Variants in CSRNP3 observed in about 807,000 individuals in gnomAD.
The protein encoded by CSRNP3 is cysteine and serine rich nuclear protein 3.
In CSRNP3, 12 loss-of-function variants were observed where a neutral mutation model predicts 48.0. The observed-to-expected ratio is 0.25, with a 90% CI of 0.16 to 0.41. The LOEUF (loss-of-function observed/expected upper bound fraction) is 0.41, where lower values mean the gene tolerates loss of function less well. CSRNP3 is among the 10% of genes least tolerant of loss of function. The probability of loss-of-function intolerance (pLI) is 1.00; values close to 1 mark genes in which losing one functional copy is unlikely to be tolerated. For missense variants in CSRNP3, 580 were observed against 724.4 expected (o/e 0.80, Z 2.29); for synonymous variants, 263 against 269.7 (o/e 0.98, Z 0.24).
intron 4 of CSRNP3, among the ~76,000 whole-genome samples, chr2:165,626,655 C>T (rs1277715384): frequency 6.6e-6 from 1 of 152,204 alleles, no homozygotes; most frequent in African/African-American, 2.4e-5. Flanking sequence ...CTGCCTGTTG[C>T]TGCTACCTCG....
intron 3 of CSRNP3, among the ~76,000 whole-genome samples, chr2:165,576,243 G>T (rs2105278422): frequency 6.6e-6 from 1 of 151,604 alleles, no homozygotes; most frequent in Admixed American, 6.6e-5. Context: ...AGCAGCCAAA[G>T]AAAATATTTT....
In CSRNP3 at chr2:165,615,039, A is replaced by G. The variant is rs544259043; in HGVS notation, c.148+19826A>G. ...TGAAAAGAAAGTGTATTCTTCAGCC[A>G]TTGGATTTAATGATCTGTAAATGTC... On this transcript the variant is annotated intron_variant, in intron 4 of 6. Coordinates refer to ENST00000651982, the MANE Select transcript of CSRNP3 (RefSeq NM_001172173.2). Among the ~76,000 whole-genome samples, 10 of 152,328 alleles carry G rather than the reference A, an allele frequency of 6.6e-5. No individual in the cohort carries two copies. In the East Asian group the frequency reaches 1.7e-3, roughly 26 times the overall value.
chr2:165,666,158 AAG>A (rs142924898), intron 5 of CSRNP3, among the ~76,000 whole-genome samples: 10,228 of 111,628 alleles, frequency 0.092, 1,010 homozygotes, highest in East Asian at 0.19. Flanking sequence ...GAGAGGAAGA[AAG>A]AGAGAGAGAG....
intron 1 of CSRNP3, among the ~76,000 whole-genome samples, chr2:165,480,904 T>C (rs1412351710): frequency 6.7e-6 from 1 of 149,450 alleles, no homozygotes; most frequent in Non-Finnish European, 1.5e-5. Flanking sequence ...ATCTCTGCAC[T>C]TTGAGAGGCT....
At chr2:165,649,322 C>A (rs1356376759) in intron 4 of CSRNP3, among the ~76,000 whole-genome samples, 1 of 152,114 alleles carries the variant, frequency 6.6e-6, no homozygotes, top group Non-Finnish European at 1.5e-5. Flanking sequence ...GTGCAAAAGA[C>A]ATTATTAGTC....
intron 3 of CSRNP3, among the ~76,000 whole-genome samples, chr2:165,522,434 C>G (rs1684675404): frequency 6.6e-6 from 1 of 152,008 alleles, no homozygotes; most frequent in Non-Finnish European, 1.5e-5. Context: ...TATACTCGGC[C>G]TTGTATCTAA....
intron 2 of CSRNP3, among the ~76,000 whole-genome samples, chr2:165,508,617 C>T (rs1488297883): frequency 2.0e-5 from 3 of 152,082 alleles, no homozygotes; most frequent in Admixed American, 6.6e-5. Flanking sequence ...TAAACATTTA[C>T]ATATTCTAAG....
At chr2:165,609,465 G>GAAAAAAAAAAAAAAAA (rs34249194) in intron 4 of CSRNP3, among the ~76,000 whole-genome samples, 3 of 97,572 alleles carry the variant, frequency 3.1e-5, no homozygotes, top group Non-Finnish European at 5.6e-5. Context: ...TCTAAAAAAA[G>GAAAAAAAAAAAAAAAA]AAAAAAAAAA....
chr2:165,574,398 C>G, intron 3 of CSRNP3: 11 of 1,549,864 alleles, frequency 7.1e-6, no homozygotes, highest in Non-Finnish European at 9.6e-6. Context: ...GATTTTACAG[C>G]GTGTGTGCCG....
At position 165,643,924 on chromosome 2, in the gene CSRNP3, A is replaced by G. The variant is rs549450781; in HGVS notation, c.149-13837A>G. ...TCACTCCTCTAAGGCACAGATGACA[A>G]TTTAAGTACTAAGAGGCAGAATCAT... is the stretch of plus-strand genomic sequence containing the variant. On this transcript the variant is annotated intron_variant, in intron 4 of 6. Transcript: ENST00000651982. Among the ~76,000 whole-genome samples the G allele has an allele frequency of 1.2e-4, 18 of 152,310 alleles. No individual in the cohort carries two copies. In the South Asian group the frequency reaches 3.7e-3, roughly 32 times the overall value.
chr2:165,518,649 T>C (rs987668373), intron 3 of CSRNP3, among the ~76,000 whole-genome samples: 1 of 152,018 alleles, frequency 6.6e-6, no homozygotes, highest in Non-Finnish European at 1.5e-5. Flanking sequence ...TTGGATACCT[T>C]GAAAAAGTAG....
chr2:165,534,005 G>A (rs1684850188), intron 3 of CSRNP3, among the ~76,000 whole-genome samples: 1 of 151,904 alleles, frequency 6.6e-6, no homozygotes. Context: ...AGGAAACAAT[G>A]AATTCTTCTT....
intron 5 of CSRNP3, among the ~76,000 whole-genome samples, chr2:165,673,247 C>T (rs536726079): frequency 1.8e-4 from 25 of 140,306 alleles, no homozygotes; most frequent in Non-Finnish European, 2.6e-4. Flanking sequence ...AAGTGATTCT[C>T]GTGCCTCAGT....
At chr2:165,599,120 C>T (rs1328191385) in intron 4 of CSRNP3, among the ~76,000 whole-genome samples, 3 of 151,596 alleles carry the variant, frequency 2.0e-5, no homozygotes, top group Non-Finnish European at 4.4e-5. Flanking sequence ...TGCCTGTGGT[C>T]CCAGCTACTT....
chr2:165,484,540 G>A (rs1015826681), intron 1 of CSRNP3, among the ~76,000 whole-genome samples: 1 of 152,164 alleles, frequency 6.6e-6, no homozygotes, highest in Non-Finnish European at 1.5e-5. Flanking sequence ...CCCCCTGTTT[G>A]CTGACAGTTT....
chr2:165,514,845 A>G (rs1167570841), intron 2 of CSRNP3, among the ~76,000 whole-genome samples: 4 of 152,076 alleles, frequency 2.6e-5, no homozygotes, highest in Non-Finnish European at 1.5e-5. Context: ...GCACCACCAC[A>G]CACAGTAACT....
At chr2:165,517,236 A>G (rs116134472) in intron 2 of CSRNP3, among the ~76,000 whole-genome samples, 2,728 of 152,136 alleles carry the variant, frequency 0.018, 78 homozygotes, top group African/African-American at 0.062. Flanking sequence ...CATCTGTCTA[A>G]ATGGTTGCAC....
chr2:165,634,347 G>GA (rs943241110), intron 4 of CSRNP3, among the ~76,000 whole-genome samples: 15 of 151,256 alleles, frequency 9.9e-5, no homozygotes, highest in East Asian at 5.8e-4. Context: ...TCCAAAAAAA[G>GA]AAAAAAAACA....
intron 4 of CSRNP3, among the ~76,000 whole-genome samples, chr2:165,599,664 A>G (rs1685879014): frequency 6.6e-6 from 1 of 152,192 alleles, no homozygotes. Context: ...TGTATTTCAG[A>G]TTATTTGCTA....
Sources: allele counts gnomAD v4.1 joint callset (sites outside exome capture counted in the v4.1 genomes callset), GRCh38; gene constraint gnomAD v4.1.1; transcripts MANE v1.5; gene names NCBI Gene and HGNC (gene_info 2026-07-23, HGNC 2026-07-21).